PDS5A: variants seen among roughly 807,000 people sequenced by gnomAD.
PDS5A encodes sister chromatid cohesion protein PDS5 homolog A.
Under a neutral mutation model 167.1 loss-of-function variants are expected in PDS5A, and 42 were observed. The observed-to-expected ratio is 0.25, with a 90% CI of 0.20 to 0.33. The LOEUF is 0.33. Ranked by LOEUF, PDS5A falls within the 10% of genes least tolerant of loss-of-function variation. The probability of loss-of-function intolerance (pLI) is 1.00; values close to 1 mark genes in which losing one functional copy is unlikely to be tolerated. For synonymous variants in PDS5A, 553 were observed against 554.6 expected (o/e 1.00, Z 0.04); for missense variants, 1,033 against 1,605.9 (o/e 0.64, Z 6.10).
chr4:39,884,704 A>T (rs1361464294), intron 17 of PDS5A, among the ~76,000 whole-genome samples: 1 of 152,158 alleles, frequency 6.6e-6, no homozygotes, highest in Non-Finnish European at 1.5e-5. Context: ...TCTGCTCAAA[A>T]CTTAAAAAGA....
At chr4:39,928,695 T>A (rs1055159291) in intron 2 of PDS5A, among the ~76,000 whole-genome samples, 1 of 152,004 alleles carries the variant, frequency 6.6e-6, no homozygotes, top group Non-Finnish European at 1.5e-5. Context: ...TATGGTAGCA[T>A]GTGTCTGTAG....
chr4:39,881,836 G>C (rs1019105805), intron 17 of PDS5A, among the ~76,000 whole-genome samples: 5 of 152,310 alleles, frequency 3.3e-5, no homozygotes, highest in Admixed American at 3.3e-4. Flanking sequence ...ACTTTGAACT[G>C]TAATAAGCCC....
chr4:39,945,029 C>T (rs1483435925), intron 2 of PDS5A, among the ~76,000 whole-genome samples: 3 of 152,032 alleles, frequency 2.0e-5, no homozygotes, highest in Non-Finnish European at 4.4e-5. Flanking sequence ...TCCTGCTATG[C>T]GTCAGGTACA....
intron 32 of PDS5A, among the ~76,000 whole-genome samples, chr4:39,826,279 CCTCTCACCTA>C (rs372059173): frequency 9.4e-4 from 143 of 151,496 alleles, no homozygotes; most frequent in African/African-American, 3.3e-3. Context: ...TTTCTCACCT[CCTCTCACCTA>C]CTCCTCTTTG....
intron 17 of PDS5A, among the ~76,000 whole-genome samples, chr4:39,880,913 T>A (rs1720873776): frequency 1.3e-5 from 2 of 152,174 alleles, no homozygotes; most frequent in African/African-American, 4.8e-5. Flanking sequence ...TGATTTTGTA[T>A]CCTTTTTTGT....
intron 22 of PDS5A, chr4:39,868,573 C>G (rs1317037745): frequency 4.5e-6 from 2 of 440,174 alleles, no homozygotes; most frequent in Non-Finnish European, 9.0e-6. Context: ...AAGTGATCTG[C>G]CTGCCTCAGC....
chr4:39,972,522 AAAAT>A (rs1217964084), intron 2 of PDS5A, among the ~76,000 whole-genome samples: 1 of 152,144 alleles, frequency 6.6e-6, no homozygotes, highest in African/African-American at 2.4e-5. Flanking sequence ...TCCGTCTCAA[AAAAT>A]AAATAAATAA....
At chr4:39,919,626 C>G (rs1412098258) in intron 7 of PDS5A, among the ~76,000 whole-genome samples, 2 of 152,110 alleles carry the variant, frequency 1.3e-5, no homozygotes, top group East Asian at 1.9e-4. Flanking sequence ...GCTTCAGAGA[C>G]AGAGTGAGAC....
At chr4:39,887,331 A>G (rs977035290) in intron 17 of PDS5A, among the ~76,000 whole-genome samples, 4 of 152,112 alleles carry the variant, frequency 2.6e-5, no homozygotes, top group Admixed American at 2.0e-4. Context: ...GTAATGTTGA[A>G]TTTTATTGAA....
chr4:39,917,015 T>TAAAAA, intron 8 of PDS5A, 33 bp downstream of exon 8: 1 of 1,119,108 alleles, frequency 8.9e-7, no homozygotes, highest in Non-Finnish European at 1.2e-6. Flanking sequence ...ACAAAAAAAT[T>TAAAAA]AAAAAAAAAA....
At chr4:39,969,152 A>G (rs1304375567) in intron 2 of PDS5A, among the ~76,000 whole-genome samples, 1 of 152,212 alleles carries the variant, frequency 6.6e-6, no homozygotes, top group Non-Finnish European at 1.5e-5. Flanking sequence ...TGGTTTTAAT[A>G]TTTGTCAATT....
At chr4:39,976,692 AATCT>A in intron 1 of PDS5A, 75 bp from the exon 2 acceptor site, 1 of 747,206 alleles carries the variant, frequency 1.3e-6, no homozygotes, top group East Asian at 2.8e-5. Flanking sequence ...AAATCTCTCT[AATCT>A]GGAAAAGGCC....
intron 3 of PDS5A, among the ~76,000 whole-genome samples, 194 bp from the exon 4 acceptor site, chr4:39,927,055 A>G (rs974678494): frequency 3.9e-5 from 6 of 152,234 alleles, no homozygotes; most frequent in Non-Finnish European, 7.3e-5. Context: ...TATACTCTTT[A>G]GAAGCAAAAA....
In PDS5A at chr4:39,900,428, T is replaced by A. The variant is rs1400716172; in HGVS notation, c.1579A>T (p.Thr527Ser). 1 of 1,564,928 alleles carries A rather than the reference T, an allele frequency of 6.4e-7. No homozygotes were observed. ...RELLDLHKQP[T>S]SEANCSAMFG... is the part of the protein sequence containing the mutation. ...ATTTAAACAAATCATGAACCTACTG[T>A]AGGCTGCTTGTGCAAATCCAATAGT... Residue 527 changes from threonine to serine, a missense_variant and splice_region_variant, in exon 14 of 33, where the codon ACA (threonine) becomes TCA (serine). Coordinates refer to ENST00000303538, the MANE Select transcript of PDS5A (RefSeq NM_001100399.2).
chr4:39,874,883 A>G (rs1720336172), intron 19 of PDS5A, among the ~76,000 whole-genome samples: 1 of 152,212 alleles, frequency 6.6e-6, no homozygotes, highest in Admixed American at 6.5e-5. Context: ...ACAGCTACAT[A>G]TATATCAGTA....
intron 4 of PDS5A, 28 bp from the exon 5 acceptor site, chr4:39,925,961 TTATACA>T: frequency 1.3e-6 from 1 of 794,870 alleles, no homozygotes; most frequent in Non-Finnish European, 1.9e-6. Flanking sequence ...AATTATTGAA[TTATACA>T]TATATACAGA....
chr4:39,904,171 A>G lies in PDS5A; in HGVS notation c.1254T>C (p.Ala418=). 6.2e-7 allele frequency: 1 copy of G among 1,608,290 alleles called. No homozygotes were observed. The highest frequency in any genetic ancestry group is 2.2e-5 in the East Asian group (1 of 44,760). Residue 418 remains alanine (A), a synonymous_variant, in exon 12 of 33, where the codon GCT becomes GCC. Coordinates refer to ENST00000303538, the MANE Select transcript of PDS5A (RefSeq NM_001100399.2). ...TATAAAGCTGAGCCAGACCCATCATAGCTTCTTTTCTTACTCGCCACTAAA... is the reference window on the plus strand; with the variant it reads ...TATAAAGCTGAGCCAGACCCATCATGGCTTCTTTTCTTACTCGCCACTAAA... ...LDKRWRVRKE[A]MMGLAQLYKK...
chr4:39,934,049 G>T (rs1480121651), intron 2 of PDS5A, among the ~76,000 whole-genome samples: 2 of 152,000 alleles, frequency 1.3e-5, no homozygotes, highest in Non-Finnish European at 2.9e-5. Flanking sequence ...ATAGAGGGAA[G>T]AAGCATCCAT....
At chr4:39,858,320 A>G (rs1267761154) in intron 26 of PDS5A, among the ~76,000 whole-genome samples, 2 of 152,262 alleles carry the variant, frequency 1.3e-5, no homozygotes, top group Non-Finnish European at 2.9e-5. Flanking sequence ...GAAACTTATT[A>G]TAAAGTTACA....
Sources: allele counts gnomAD v4.1 joint callset (sites outside exome capture counted in the v4.1 genomes callset), GRCh38; gene constraint gnomAD v4.1.1; transcripts MANE v1.5; gene names NCBI Gene and HGNC (gene_info 2026-07-23, HGNC 2026-07-21).